Variants in PDE8A observed in about 807,000 individuals in gnomAD.
The protein encoded by PDE8A is high affinity cAMP-specific and IBMX-insensitive 3',5'-cyclic phosphodiesterase 8A.
Under a neutral mutation model 105.0 loss-of-function variants are expected in PDE8A, and 59 were observed. The observed-to-expected ratio is 0.56, with a 90% CI of 0.46 to 0.70. The LOEUF (loss-of-function observed/expected upper bound fraction) is 0.70, where lower values mean the gene tolerates loss of function less well. PDE8A is among the 30% of genes least tolerant of loss of function. The probability of loss-of-function intolerance (pLI) is 0.00; values close to 1 mark genes in which losing one functional copy is unlikely to be tolerated. For missense variants in PDE8A, 1,014 were observed against 1,045.9 expected (o/e 0.97, Z 0.42); for synonymous variants, 355 against 371.9 (o/e 0.95, Z 0.52).
At position 85,108,681 on chromosome 15, in the gene PDE8A, A is replaced by AT. The variant is rs561384771; in HGVS notation, c.1037-364dup. Among the ~76,000 whole-genome samples, 15 of 152,074 alleles carry AT rather than the reference A, an allele frequency of 9.9e-5. No homozygotes were observed. The South Asian group carries it at 1.2e-3, about 13-fold the overall frequency. Reference sequence around the variant, plus strand: ...CCTTATTTTGTAGAGAAAATAAAAGATTTTTTTTCTTTGGGGCAAGATGAG... The same window carrying AT: ...CCTTATTTTGTAGAGAAAATAAAAGATTTTTTTTTCTTTGGGGCAAGATGAG... On this transcript the variant is annotated intron_variant, in intron 11 of 21. Coordinates refer to ENST00000394553, the MANE Select transcript of PDE8A (RefSeq NM_002605.3).
chr15:85,080,520 C>T (rs1050789953), intron 5 of PDE8A, among the ~76,000 whole-genome samples: 24 of 152,278 alleles, frequency 1.6e-4, no homozygotes, highest in Admixed American at 1.2e-3. Context: ...GGGTTATTTG[C>T]TTACCTACAG....
chr15:85,051,656 T>C (rs1050847884), intron 1 of PDE8A, among the ~76,000 whole-genome samples: 2 of 151,918 alleles, frequency 1.3e-5, no homozygotes, highest in African/African-American at 2.4e-5. Context: ...TGTGTGTTGT[T>C]CCCCCCACAT....
At chr15:85,044,426 G>T (rs1482116519) in intron 1 of PDE8A, among the ~76,000 whole-genome samples, 1 of 152,222 alleles carries the variant, frequency 6.6e-6, no homozygotes, top group Non-Finnish European at 1.5e-5. Context: ...GAAAGCAGCT[G>T]AGAACTTTGC....
At chr15:85,007,466 A>T (rs1177623270) in intron 1 of PDE8A, among the ~76,000 whole-genome samples, 1 of 150,992 alleles carries the variant, frequency 6.6e-6, no homozygotes, top group African/African-American at 2.4e-5. Flanking sequence ...TTATACAGGT[A>T]CGTTCAGTTT....
intron 3 of PDE8A, among the ~76,000 whole-genome samples, chr15:85,071,752 A>G (rs1317552213): frequency 6.6e-6 from 1 of 152,210 alleles, no homozygotes. Flanking sequence ...TTTGTTGGCA[A>G]ACTCTTAGCC....
chr15:84,984,562 G>A (rs746086654), intron 1 of PDE8A, among the ~76,000 whole-genome samples: 28 of 152,158 alleles, frequency 1.8e-4, no homozygotes, highest in Non-Finnish European at 3.1e-4. Context: ...TTCATTGGGG[G>A]ATGCTTTTAT....
At chr15:84,991,697 A>G (rs1019688834) in intron 1 of PDE8A, among the ~76,000 whole-genome samples, 1 of 152,238 alleles carries the variant, frequency 6.6e-6, no homozygotes, top group African/African-American at 2.4e-5. Flanking sequence ...ATGTCCATTA[A>G]CAACATAATG....
chr15:85,072,226 A>G (rs1302470148), intron 3 of PDE8A, among the ~76,000 whole-genome samples: 2 of 152,234 alleles, frequency 1.3e-5, no homozygotes, highest in East Asian at 3.8e-4. Flanking sequence ...AGCACAAGTA[A>G]TGGAGTTGTG....
intron 1 of PDE8A, among the ~76,000 whole-genome samples, chr15:85,051,662 C>G (rs904150889): frequency 2.0e-4 from 31 of 152,050 alleles, no homozygotes; most frequent in African/African-American, 6.8e-4. Flanking sequence ...TTGTTCCCCC[C>G]ACATGTCCAT....
intron 8 of PDE8A, among the ~76,000 whole-genome samples, chr15:85,095,224 A>G (rs953123613): frequency 6.6e-6 from 1 of 152,094 alleles, no homozygotes; most frequent in Non-Finnish European, 1.5e-5. Context: ...AAACCAGCTC[A>G]TTTACTGAAT....
At chr15:85,074,125 G>A (rs2081349762) in intron 3 of PDE8A, among the ~76,000 whole-genome samples, 1 of 152,190 alleles carries the variant, frequency 6.6e-6, no homozygotes, top group Admixed American at 6.5e-5. Flanking sequence ...CGCTAGAGCT[G>A]CTTTTCCATT....
intron 1 of PDE8A, among the ~76,000 whole-genome samples, chr15:85,018,901 C>T (rs1424918387): frequency 6.6e-6 from 1 of 152,046 alleles, no homozygotes; most frequent in African/African-American, 2.4e-5. Context: ...GTGTAAGTAC[C>T]ATTTACATTA....
intron 1 of PDE8A, among the ~76,000 whole-genome samples, chr15:85,004,363 G>T (rs1428438412): frequency 6.6e-6 from 1 of 152,176 alleles, no homozygotes; most frequent in African/African-American, 2.4e-5. Flanking sequence ...TCAGGGGCAG[G>T]CATGTCATAG....
intron 1 of PDE8A, among the ~76,000 whole-genome samples, chr15:85,052,567 C>T (rs62021233): frequency 0.14 from 21,196 of 152,026 alleles, 1,897 homozygotes; most frequent in Middle Eastern, 0.24. Flanking sequence ...ATTTCTCTGA[C>T]GGCCAGTGAT....
intron 3 of PDE8A, among the ~76,000 whole-genome samples, chr15:85,069,737 C>T (rs1437205616): frequency 1.3e-5 from 2 of 152,190 alleles, no homozygotes; most frequent in Non-Finnish European, 2.9e-5. Context: ...CAGGCCTTTA[C>T]AAATGTAATC....
chr15:84,988,539 G>A (rs1194792429), intron 1 of PDE8A, among the ~76,000 whole-genome samples: 2 of 152,172 alleles, frequency 1.3e-5, no homozygotes, highest in Non-Finnish European at 2.9e-5. Context: ...GGCATCCCTT[G>A]GGAGTTTTTT....
chr15:85,068,341 G>A (rs1026729061), intron 3 of PDE8A, among the ~76,000 whole-genome samples: 6 of 152,004 alleles, frequency 3.9e-5, no homozygotes, highest in Admixed American at 2.0e-4. Context: ...CACTGTGCCC[G>A]CCCTACCCCA....
At chr15:85,006,452 G>A (rs943516722) in intron 1 of PDE8A, among the ~76,000 whole-genome samples, 1 of 152,006 alleles carries the variant, frequency 6.6e-6, no homozygotes, top group Non-Finnish European at 1.5e-5. Flanking sequence ...TTTGATTTGG[G>A]AATTAACATT....
At chr15:85,028,732 C>A (rs1317708139) in intron 1 of PDE8A, among the ~76,000 whole-genome samples, 1 of 152,064 alleles carries the variant, frequency 6.6e-6, no homozygotes, top group African/African-American at 2.4e-5. Flanking sequence ...ATCCTCATCT[C>A]AAATACCTCC....
Sources: allele counts gnomAD v4.1 joint callset (sites outside exome capture counted in the v4.1 genomes callset), GRCh38; gene constraint gnomAD v4.1.1; transcripts MANE v1.5; gene names NCBI Gene and HGNC (gene_info 2026-07-23, HGNC 2026-07-21).